Variants in EIF3H observed in about 807,000 individuals in gnomAD.
EIF3H encodes the protein eIF-3-gamma.
In EIF3H, 26 loss-of-function variants were observed where a neutral mutation model predicts 44.2. That is an observed-to-expected ratio of 0.59 (90% confidence interval 0.43 to 0.82). EIF3H has a LOEUF of 0.82. Among genes scored for constraint, EIF3H ranks in the 40% least tolerant of loss-of-function variants. The probability of loss-of-function intolerance (pLI) is 0.00; values close to 1 mark genes in which losing one functional copy is unlikely to be tolerated. For missense variants in EIF3H, 359 were observed against 432.8 expected, an observed-to-expected ratio of 0.83 and a Z score of 1.51; for synonymous variants, 166 against 151.9, an observed-to-expected ratio of 1.09 and a Z score of -0.68.
intron 2 of EIF3H, among the ~76,000 whole-genome samples, chr8:116,678,735 A>G (rs1813899243): frequency 6.9e-6 from 1 of 145,642 alleles, no homozygotes; most frequent in Non-Finnish European, 1.5e-5. Context: ...CCGTCTGAGA[A>G]GTGAGGAAAC....
At position 116,682,843 on chromosome 8, in the gene EIF3H, C is replaced by T. The variant is rs117521484; in HGVS notation, c.290-23863G>A. On this transcript the variant is annotated intron_variant, in intron 2 of 7. Coordinates refer to ENST00000521861, the MANE Select transcript of EIF3H (RefSeq NM_003756.3). Reference sequence around the variant, plus strand: ...AAATGCTGTAACATGTGGTTTGCTACGGTTGTGACCCATGAACTTTTCCAT... The same window carrying T: ...AAATGCTGTAACATGTGGTTTGCTATGGTTGTGACCCATGAACTTTTCCAT... 1.1e-4 allele frequency among the ~76,000 whole-genome samples: 16 copies of T among 152,284 alleles called. No individual in the cohort carries two copies. The East Asian group carries it at 2.9e-3, about 28-fold the overall frequency.
intron 2 of EIF3H, among the ~76,000 whole-genome samples, chr8:116,723,633 G>GT (rs1341450349): frequency 3.3e-5 from 5 of 152,166 alleles, no homozygotes; most frequent in Admixed American, 3.3e-4. Flanking sequence ...ATGAAGGTGT[G>GT]TAAGTCAAAT....
At chr8:116,665,547 A>G (rs1159249881) in intron 2 of EIF3H, among the ~76,000 whole-genome samples, 10 of 151,908 alleles carry the variant, frequency 6.6e-5, no homozygotes, top group East Asian at 1.9e-4. Flanking sequence ...AAGCAAGCAA[A>G]CAAACAAAAC....
chr8:116,722,096 G>A (rs1287116279), intron 2 of EIF3H, among the ~76,000 whole-genome samples: 1 of 152,098 alleles, frequency 6.6e-6, no homozygotes, highest in African/African-American at 2.4e-5. Flanking sequence ...TTGAATTGTG[G>A]CTCCCATAAT....
chr8:116,731,214 A>G (rs566273736), intron 1 of EIF3H, among the ~76,000 whole-genome samples: 1 of 152,314 alleles, frequency 6.6e-6, no homozygotes, highest in African/African-American at 2.4e-5. Context: ...AAATCACCTA[A>G]AGAGCTTTTT....
chr8:116,704,549 T>A (rs191572577), intron 2 of EIF3H, among the ~76,000 whole-genome samples: 2 of 152,352 alleles, frequency 1.3e-5, no homozygotes, highest in African/African-American at 4.8e-5. Context: ...AGTAAAAATA[T>A]CTATTTTACT....
intron 1 of EIF3H, among the ~76,000 whole-genome samples, chr8:116,762,203 G>A (rs1338877318): frequency 6.6e-6 from 1 of 152,196 alleles, no homozygotes; most frequent in African/African-American, 2.4e-5. Flanking sequence ...ATTCTGGCAA[G>A]TAGTTTTAAC....
At chr8:116,722,597 T>C (rs1356459715) in intron 2 of EIF3H, among the ~76,000 whole-genome samples, 4 of 151,666 alleles carry the variant, frequency 2.6e-5, no homozygotes, top group African/African-American at 9.7e-5. Flanking sequence ...TAGTATTATA[T>C]TTTTTTAAAT....
At position 116,755,540 on chromosome 8, in the gene EIF3H, A is replaced by G. The variant is rs978339338; in HGVS notation, c.132+126T>C. The G allele has an allele frequency of 3.2e-6, 4 of 1,258,466 alleles. No homozygotes were observed. The African/African-American group carries it at 6.0e-5, about 19-fold the overall frequency. The allele number at this position is 1,258,466 out of a possible 1,614,324, so 78.0% of individuals were successfully genotyped here. ...AAAAGTGAAGATGAAAGAGAAACGT[A>G]CTAGGGAAAAACTTTGGCCCAGCCA... On this transcript the variant is annotated intron_variant, in intron 1 of 7. Transcript: ENST00000521861.
At chr8:116,693,123 T>G (rs1167911160) in intron 2 of EIF3H, among the ~76,000 whole-genome samples, 10 of 152,128 alleles carry the variant, frequency 6.6e-5, no homozygotes, top group Admixed American at 6.6e-4. Flanking sequence ...AGTAAGTTTT[T>G]CCCTTTCAGT....
chr8:116,752,752 AGAGGGAGGGAGGGAGG>A (rs539328331), intron 1 of EIF3H, among the ~76,000 whole-genome samples: 515 of 40,870 alleles, frequency 0.013, 25 homozygotes, highest in Middle Eastern at 0.037. Flanking sequence ...AAAGAAAGAA[AGAGGGAGGGAGGGAGG>A]GAGGGAGGGA....
At chr8:116,735,652 ACACCACCAC>A (rs113611842) in intron 1 of EIF3H, among the ~76,000 whole-genome samples, 1 of 152,044 alleles carries the variant, frequency 6.6e-6, no homozygotes, top group Admixed American at 6.6e-5. Flanking sequence ...ATAAGCCAAA[ACACCACCAC>A]CACCACCACA....
At chr8:116,739,252 CAGACCCATCCCTTTATTT>C (rs1460267593) in intron 1 of EIF3H, among the ~76,000 whole-genome samples, 1 of 152,244 alleles carries the variant, frequency 6.6e-6, no homozygotes, top group Non-Finnish European at 1.5e-5. Flanking sequence ...GATAACTAGC[CAGACCCATCCCTTTATTT>C]AGGCCCATCC....
At chr8:116,757,965 G>A (rs59036101), upstream of EIF3H, among the ~76,000 whole-genome samples, 27,281 of 152,026 alleles carry the variant, frequency 0.18, 3,747 homozygotes, top group African/African-American at 0.39. Flanking sequence ...CAGGTGATCC[G>A]CCCGCCTCAG....
intron 2 of EIF3H, among the ~76,000 whole-genome samples, chr8:116,717,017 T>A (rs997449991): frequency 6.6e-6 from 1 of 151,966 alleles, no homozygotes; most frequent in South Asian, 2.1e-4. Context: ...CACAAAACAA[T>A]AGAAAAGCAG....
chr8:116,671,696 G>A (rs948557691), intron 2 of EIF3H, among the ~76,000 whole-genome samples: 3 of 152,196 alleles, frequency 2.0e-5, no homozygotes, highest in Non-Finnish European at 4.4e-5. Context: ...CAGACTGACA[G>A]TCAGCATTCT....
chr8:116,722,283 T>G (rs1399939538), intron 2 of EIF3H, among the ~76,000 whole-genome samples: 5 of 152,198 alleles, frequency 3.3e-5, no homozygotes, highest in African/African-American at 1.2e-4. Flanking sequence ...AGACGTGCCT[T>G]TCACCTTCCA....
intron 1 of EIF3H, among the ~76,000 whole-genome samples, chr8:116,731,248 C>T (rs1814945669): frequency 6.6e-6 from 1 of 152,168 alleles, no homozygotes; most frequent in South Asian, 2.1e-4. Context: ...GAGGGGTCCT[C>T]ATTCTGGATA....
rs566166498 is a variant in EIF3H at position 116,709,160 on chromosome 8, G to C, written c.289+16856C>G. ...AGCTGGCTCAGGCTTATCATATATG[G>C]TACTCATTACCACAATTGCACTATT... On this transcript the variant is annotated intron_variant, in intron 2 of 7. Coordinates refer to ENST00000521861, the MANE Select transcript of EIF3H (RefSeq NM_003756.3). Among the ~76,000 whole-genome samples the C allele has an allele frequency of 7.2e-5, 11 of 152,092 alleles. No individual in the cohort carries two copies. The East Asian group carries it at 1.5e-3, about 21-fold the overall frequency.
Sources: allele counts gnomAD v4.1 joint callset (sites outside exome capture counted in the v4.1 genomes callset), GRCh38; gene constraint gnomAD v4.1.1; transcripts MANE v1.5; gene names NCBI Gene and HGNC (gene_info 2026-07-23, HGNC 2026-07-21).